SLC35A4: variants seen among roughly 807,000 people sequenced by gnomAD.
SLC35A4 encodes the protein probable UDP-sugar transporter protein SLC35A4.
Under a neutral mutation model 18.8 loss-of-function variants are expected in SLC35A4, and 9 were observed. The ratio of observed to expected loss-of-function variants is 0.48; its 90% CI spans 0.29 to 0.83. The LOEUF (loss-of-function observed/expected upper bound fraction) is 0.83. SLC35A4 is among the 40% of genes least tolerant of loss of function. The pLI is 0.09. For synonymous variants in SLC35A4, 189 were observed against 191.9 expected (o/e 0.98, Z 0.13); for missense variants, 404 against 415.5 (o/e 0.97, Z 0.24).
chr5:140,564,862 A>G lies in SLC35A4; in HGVS notation c.-705+4A>G. ...GGGGAAGATGGCGGATGACAAGGTGAGTGGCCGTGGGGGTGATCTGCAGCC... is the reference window on the plus strand; with the variant it reads ...GGGGAAGATGGCGGATGACAAGGTGGGTGGCCGTGGGGGTGATCTGCAGCC... On this transcript the variant is annotated splice_donor_region_variant and intron_variant, in intron 1 of 2. Transcript: ENST00000323146. The surrounding 1 kb of genome is among the most constrained non-coding windows in gnomAD (Gnocchi z 5.0). 1 of 395,390 alleles carries G rather than the reference A, an allele frequency of 2.5e-6. No homozygotes were observed. The allele number at this position is 395,390 out of a possible 1,614,324, so 24.5% of individuals were successfully genotyped here.
rs564081531 is a variant in SLC35A4 at position 140,567,508 on chromosome 5, C to T, written c.339C>T (p.Ser113=). Residue 113 remains serine, a synonymous_variant, in exon 3 of 3, where the codon AGC becomes AGT. Coordinates refer to ENST00000323146, the MANE Select transcript of SLC35A4 (RefSeq NM_080670.4). ...VIYLQRYMDP[S]TYQVLSNLKI... is the part of the protein sequence containing the mutation. The stretch of plus-strand genomic sequence containing the variant: ...ATCTTCAGCGTTACATGGACCCCAG[C>T]ACCTACCAGGTGCTGAGTAATCTCA... 2.5e-6 allele frequency: 4 copies of T among 1,614,210 alleles called. No homozygotes were observed. The African/African-American group carries it at 5.3e-5, about 22-fold the overall frequency.
Position 140,567,803 on chromosome 5 carries a change from C to T in SLC35A4, c.634C>T (p.Arg212Ter), listed in dbSNP as rs189311582. 8 of 1,614,036 alleles carry T rather than the reference C, an allele frequency of 5.0e-6. No homozygotes were observed. In the Admixed American group the frequency reaches 5.0e-5, roughly 10 times the overall value. The change falls in exon 3 of 3, where the codon CGA becomes TGA. Residue 212 changes from arginine to a stop codon, truncating the protein, a stop_gained. Coordinates refer to ENST00000323146, the MANE Select transcript of SLC35A4 (RefSeq NM_080670.4). LOFTEE classifies it high-confidence loss of function. ...SSVYTELLMK[R>*]QRLPLALQNL... ...AGTGTACACAGAGCTGCTCATGAAG[C>T]GACAGCGGCTGCCCCTGGCACTTCA...
At position 140,564,888 on chromosome 5, in the gene SLC35A4, G is replaced by A; in HGVS notation, c.-705+30G>A. On this transcript the variant is annotated intron_variant, in intron 1 of 2. Coordinates refer to ENST00000323146, the MANE Select transcript of SLC35A4 (RefSeq NM_080670.4). The surrounding 1 kb of genome is among the most constrained non-coding windows in gnomAD (Gnocchi z 5.0). ...GTGGCCGTGGGGGTGATCTGCAGCC[G>A]GGCGTGGTCTTCACTCTCCTTGACC... 1 of 405,466 alleles carries A rather than the reference G, an allele frequency of 2.5e-6. No homozygotes were observed. Among genetic ancestry groups the A allele is most frequent in the Non-Finnish European group, 4.4e-6 (1 of 229,802 alleles). The allele number at this position is 405,466 out of a possible 1,614,324, so 25.1% of individuals were successfully genotyped here. A position where few individuals can be genotyped will look rare whatever the true frequency, so the allele number is the denominator to read the frequency against.
chr5:140,564,877 G>C lies in SLC35A4; in HGVS notation c.-705+19G>C, dbSNP rs755990466. The C allele has an allele frequency of 2.5e-6, 1 of 405,964 alleles. No homozygotes were observed. The highest frequency in any genetic ancestry group is 4.3e-6 in the Non-Finnish European group (1 of 230,078). 25.1% of individuals were successfully genotyped at this position (405,964 alleles called of 1,614,324 possible). On this transcript the variant is annotated intron_variant, in intron 1 of 2. Coordinates refer to ENST00000323146, the MANE Select transcript of SLC35A4 (RefSeq NM_080670.4). This position sits in a 1 kb window ranked among gnomAD's most constrained non-coding sequence, Gnocchi z 5.0. ...TGACAAGGTGAGTGGCCGTGGGGGTGATCTGCAGCCGGGCGTGGTCTTCAC... is the reference window on the plus strand; with the variant it reads ...TGACAAGGTGAGTGGCCGTGGGGGTCATCTGCAGCCGGGCGTGGTCTTCAC...
At position 140,568,190 on chromosome 5, in the gene SLC35A4, C is replaced by T. The variant is rs755889495; in HGVS notation, c.*46C>T. 5 of 1,612,800 alleles carry T rather than the reference C, an allele frequency of 3.1e-6. No homozygotes were observed. The highest frequency in any genetic ancestry group is 4.2e-6 in the Non-Finnish European group (5 of 1,179,794). ...GATTCCGGACCCTGTAGATTGGGCG[C>T]CACCACCAGATCCCCCTCCCAGGCC... On this transcript the variant is annotated 3_prime_UTR_variant, in exon 3 of 3. Transcript: ENST00000323146.
intron 1 of SLC35A4, 156 bp downstream of exon 1, chr5:140,565,014 G>T: frequency 2.5e-6 from 1 of 398,762 alleles, no homozygotes; most frequent in Non-Finnish European, 4.4e-6. Context: ...GTGTGGAGTG[G>T]TGTGGGGAGA....
At position 140,568,026 on chromosome 5, in the gene SLC35A4, C is replaced by G; in HGVS notation, c.857C>G (p.Ser286Trp). The G allele has an allele frequency of 1.2e-6, 2 of 1,613,992 alleles. No individual in the cohort carries two copies. Among genetic ancestry groups the G allele is most frequent in the Non-Finnish European group, 1.7e-6 (2 of 1,180,000 alleles). The change falls in exon 3 of 3, where the codon TCG becomes TGG. Residue 286 changes from serine to tryptophan, a missense_variant. Coordinates refer to ENST00000323146, the MANE Select transcript of SLC35A4 (RefSeq NM_080670.4). ...ACACGCCTCTTTGTGGTGTCCTGCT[C>G]GCTGGTGGTCAACGCCGTGCTCTCA... ...SITRLFVVSC[S>W]LVVNAVLSAV... is the part of the protein sequence containing the mutation.
At position 140,567,503 on chromosome 5, in the gene SLC35A4, C is replaced by A; in HGVS notation, c.334C>A (p.Pro112Thr). 6.2e-7 allele frequency: 1 copy of A among 1,614,190 alleles called. No individual in the cohort carries two copies. The highest frequency in any genetic ancestry group is 8.5e-7 in the Non-Finnish European group (1 of 1,180,044). The change falls in exon 3 of 3, where the codon CCC (proline) becomes ACC (threonine). Residue 112 changes from proline (P) to threonine (T), a missense_variant. Coordinates refer to ENST00000323146, the MANE Select transcript of SLC35A4 (RefSeq NM_080670.4). The part of the protein sequence containing the change: ...LVIYLQRYMD[P>T]STYQVLSNLK... ...GATCTATCTTCAGCGTTACATGGAC[C>A]CCAGCACCTACCAGGTGCTGAGTAA...
Position 140,566,616 on chromosome 5 carries a change from G to A in SLC35A4, c.-554G>A. ...CCTCAAGGGATTCCTGGCTGGCTATGTGGTGGCCAAACTGAGGGCATCAGC... is the reference window on the plus strand; with the variant it reads ...CCTCAAGGGATTCCTGGCTGGCTATATGGTGGCCAAACTGAGGGCATCAGC... On this transcript the variant is annotated 5_prime_UTR_variant, in exon 3 of 3. The change creates a new upstream start codon in the 5' untranslated region. Coordinates refer to ENST00000323146, the MANE Select transcript of SLC35A4 (RefSeq NM_080670.4). 1 of 442,586 alleles carries A rather than the reference G, an allele frequency of 2.3e-6. No individual in the cohort carries two copies. Among genetic ancestry groups the A allele is most frequent in the Non-Finnish European group, 4.0e-6 (1 of 252,014 alleles). The allele number at this position is 442,586 out of a possible 1,614,324, so 27.4% of individuals were successfully genotyped here.
rs1467595671 is a variant in SLC35A4, at chr5:140,567,745, C to T, written c.576C>T (p.Leu192=). 1 of 1,614,184 alleles carries T rather than the reference C, an allele frequency of 6.2e-7. No homozygotes were observed. The highest frequency in any genetic ancestry group is 2.2e-5 in the East Asian group (1 of 44,884). The change falls in exon 3 of 3, where the codon CTC becomes CTT. Residue 192 remains leucine (L), a synonymous_variant. Coordinates refer to ENST00000323146, the MANE Select transcript of SLC35A4 (RefSeq NM_080670.4). The part of the protein sequence containing the change: ...LHITPLGLLL[L]ILYCLISGLS... ...TCACTCCGCTAGGCCTGCTGCTCCT[C>T]ATTCTGTACTGCCTCATCTCAGGCT... is the stretch of plus-strand genomic sequence containing the variant.
chr5:140,566,093 C>T (rs541216154), intron 2 of SLC35A4, 122 bp downstream of exon 2: 1 of 396,218 alleles, frequency 2.5e-6, no homozygotes, highest in Admixed American at 4.4e-5. Flanking sequence ...TCTCAGTCAC[C>T]CTAAGGACAA....
At position 140,564,914 on chromosome 5, in the gene SLC35A4, T is replaced by A; in HGVS notation, c.-705+56T>A. The A allele has an allele frequency of 5.0e-6, 2 of 401,786 alleles. No homozygotes were observed. The highest frequency in any genetic ancestry group is 7.1e-5 in the East Asian group (2 of 28,108). The allele number at this position is 401,786 out of a possible 1,614,324, so 24.9% of individuals were successfully genotyped here. A position where few individuals can be genotyped will look rare whatever the true frequency, so the allele number is the denominator to read the frequency against. ...GGCGTGGTCTTCACTCTCCTTGACC[T>A]TTTTAGTTCCGGGGAGAAGCGACTC... On this transcript the variant is annotated intron_variant, in intron 1 of 2. Coordinates refer to ENST00000323146, the MANE Select transcript of SLC35A4 (RefSeq NM_080670.4). This position sits in a 1 kb window ranked among gnomAD's most constrained non-coding sequence, Gnocchi z 5.0.
rs916351170 is a variant in SLC35A4, at chr5:140,567,053, TTC to T, written c.-111_-110del. On this transcript the variant is annotated 5_prime_UTR_variant, in exon 3 of 3. An upstream open reading frame in the 5' UTR gains an earlier in-frame stop. Coordinates refer to ENST00000323146, the MANE Select transcript of SLC35A4 (RefSeq NM_080670.4). ...TGGTAGATGCCTCTGATCCTCAGTATTCTCTCTGGCAATGTTCCACGGCTTCT... is the reference window on the plus strand; with the variant it reads ...TGGTAGATGCCTCTGATCCTCAGTATTCTCTGGCAATGTTCCACGGCTTCT... 1.3e-6 allele frequency: 2 copies of T among 1,512,878 alleles called. No individual in the cohort carries two copies. The highest frequency in any genetic ancestry group is 1.8e-6 in the Non-Finnish European group (2 of 1,099,262). 93.7% of individuals were successfully genotyped at this position (1,512,878 alleles called of 1,614,324 possible).
chr5:140,567,727 G>A lies in SLC35A4; in HGVS notation c.558G>A (p.Pro186=), dbSNP rs928761843. 3 of 1,613,948 alleles carry A rather than the reference G, an allele frequency of 1.9e-6. No homozygotes were observed. The highest frequency in any genetic ancestry group is 1.1e-5 in the South Asian group (1 of 91,088). Residue 186 remains proline (P), a synonymous_variant, in exon 3 of 3, where the codon CCG becomes CCA. Coordinates refer to ENST00000323146, the MANE Select transcript of SLC35A4 (RefSeq NM_080670.4). ...AASPMPLHIT[P]LGLLLLILYC... ...GCCCCATGCCCCTGCATATCACTCC[G>A]CTAGGCCTGCTGCTCCTCATTCTGT...
In SLC35A4 at chr5:140,567,199, C is replaced by T. The variant is rs374152218; in HGVS notation, c.30C>T (p.Gly10=). The change falls in exon 3 of 3, where the codon GGC becomes GGT. Residue 10 remains glycine, a synonymous_variant. Transcript: ENST00000323146. MSVEDGGMP[G]LGRPRQARWT... is the part of the protein sequence containing the mutation. ...GTGTAGAGGATGGGGGTATGCCAGG[C>T]CTGGGCCGTCCCAGGCAGGCCCGCT... 4.3e-6 allele frequency: 7 copies of T among 1,614,004 alleles called. No homozygotes were observed. The South Asian group carries it at 5.5e-5, about 13-fold the overall frequency.
rs751160032 is a variant in SLC35A4 at position 140,567,085 on chromosome 5, CCTGG to C, written c.-84_-81del. The stretch of plus-strand genomic sequence containing the variant: ...TGGCAATGTTCCACGGCTTCTCCTT[CCTGG>C]GAGCTGGCTCCATAACTTGATTTTC... On this transcript the variant is annotated 5_prime_UTR_variant, in exon 3 of 3. An upstream open reading frame in the 5' UTR gains an earlier in-frame stop. Coordinates refer to ENST00000323146, the MANE Select transcript of SLC35A4 (RefSeq NM_080670.4). 3,920 of 1,599,310 alleles carry C rather than the reference CCTGG, an allele frequency of 2.5e-3. 9 individuals carry two copies. Among genetic ancestry groups the C allele is most frequent in the Non-Finnish European group, 3.1e-3 (3,661 of 1,170,712 alleles).
At position 140,566,710 on chromosome 5, in the gene SLC35A4, TGGA is replaced by T. The variant is rs1755195732; in HGVS notation, c.-458_-456del. 1.7e-6 allele frequency: 1 copy of T among 578,680 alleles called. No homozygotes were observed. Among genetic ancestry groups the T allele is most frequent in the Non-Finnish European group, 3.1e-6 (1 of 326,210 alleles). 35.8% of individuals were successfully genotyped at this position (578,680 alleles called of 1,614,324 possible). On this transcript the variant is annotated 5_prime_UTR_variant, in exon 3 of 3. It introduces an in-frame stop codon into an upstream open reading frame of the 5' UTR. Coordinates refer to ENST00000323146, the MANE Select transcript of SLC35A4 (RefSeq NM_080670.4). ...GCTCAGGCATATGCTGTGCCCAACG[TGGA>T]GAAGACATTAAGGGACTATTTGCAG... is the stretch of plus-strand genomic sequence containing the variant.
chr5:140,565,006 G>C (rs1755151094), intron 1 of SLC35A4, 148 bp downstream of exon 1: 1 of 399,040 alleles, frequency 2.5e-6, no homozygotes, highest in Non-Finnish European at 4.4e-6. Context: ...CCTCAACAGT[G>C]TGGAGTGGTG....
Position 140,568,695 on chromosome 5 carries a change from C to T in SLC35A4, c.*551C>T. 5.7e-6 allele frequency: 1 copy of T among 176,882 alleles called. No homozygotes were observed. The highest frequency in any genetic ancestry group is 1.3e-5 in the Non-Finnish European group (1 of 74,374). 11.0% of individuals were successfully genotyped at this position (176,882 alleles called of 1,614,324 possible). On this transcript the variant is annotated 3_prime_UTR_variant, in exon 3 of 3. Coordinates refer to ENST00000323146, the MANE Select transcript of SLC35A4 (RefSeq NM_080670.4). Reference sequence around the variant, plus strand: ...CCACTCTGACAGTCTCCTCCAGTTCCAGCAATGCCTAGAGACATGCTCCCT... The same window carrying T: ...CCACTCTGACAGTCTCCTCCAGTTCTAGCAATGCCTAGAGACATGCTCCCT...
Sources: gnomAD v4.1 joint callset for allele counts on GRCh38, gnomAD v4.1.1 for gene constraint, Gnocchi (gnomAD v3.1) non-coding constraint, MANE v1.5 for transcripts, NCBI Gene and HGNC (gene_info 2026-07-23, HGNC 2026-07-21) for gene names.